The following ATXN7L1 variants were observed in gnomAD, a reference collection of about 807,000 sequenced individuals.
ATXN7L1 encodes ataxin 7 like 1.
Under a neutral mutation model 70.8 loss-of-function variants are expected in ATXN7L1, and 15 were observed. The ratio of observed to expected loss-of-function variants is 0.21; its 90% confidence interval spans 0.14 to 0.33. The LOEUF (loss-of-function observed/expected upper bound fraction) is 0.33. Among genes scored for constraint, ATXN7L1 ranks in the 10% least tolerant of loss-of-function variants. The pLI, the probability that ATXN7L1 is intolerant of heterozygous loss-of-function variation, is 1.00. For missense variants in ATXN7L1, 975 were observed against 1,097.1 expected (o/e 0.89, Z 1.57); for synonymous variants, 440 against 445.1 (o/e 0.99, Z 0.14).
At chr7:105,742,492 A>T (rs920636036) in intron 3 of ATXN7L1, among the ~76,000 whole-genome samples, 3 of 152,344 alleles carry the variant, frequency 2.0e-5, no homozygotes, top group Non-Finnish European at 4.4e-5. Context: ...CATTTTACAG[A>T]AGAGAAAACT....
At chr7:105,666,516 C>T (rs1157498084) in intron 3 of ATXN7L1, among the ~76,000 whole-genome samples, 2 of 152,224 alleles carry the variant, frequency 1.3e-5, no homozygotes, top group South Asian at 4.1e-4. Context: ...GCAAGCCTCC[C>T]ACCTGTGGCC....
At chr7:105,682,532 G>A (rs765981482) in intron 3 of ATXN7L1, among the ~76,000 whole-genome samples, 8 of 152,216 alleles carry the variant, frequency 5.3e-5, no homozygotes, top group Admixed American at 2.6e-4. Context: ...CAACCCAAAC[G>A]CCCATCCATG....
At position 105,818,732 on chromosome 7, in the gene ATXN7L1, G is replaced by A. The variant is rs183989942; in HGVS notation, c.251-30024C>T. On this transcript the variant is annotated intron_variant, in intron 2 of 11. Coordinates refer to ENST00000419735, the MANE Select transcript of ATXN7L1 (RefSeq NM_020725.2). The stretch of plus-strand genomic sequence containing the variant: ...CACACATTGAAGCTGGCATGTATTA[G>A]GATAAAGCTGCATAAAAATGCATAA... Among the ~76,000 whole-genome samples the A allele has an allele frequency of 5.3e-5, 8 of 152,244 alleles. No homozygotes were observed. In the East Asian group the frequency reaches 1.5e-3, roughly 29 times the overall value.
chr7:105,740,771 T>TC (rs1797909586), intron 3 of ATXN7L1, among the ~76,000 whole-genome samples: 1 of 100,240 alleles, frequency 1.0e-5, no homozygotes, highest in Non-Finnish European at 1.8e-5. Flanking sequence ...CTCCATTCAT[T>TC]TTTTTTTTTT....
At chr7:105,617,702 G>T in intron 9 of ATXN7L1, 1 of 349,402 alleles carries the variant, frequency 2.9e-6, no homozygotes, top group Non-Finnish European at 5.7e-6. Context: ...CTGGCCCAGG[G>T]AAGTCCCACA....
intron 3 of ATXN7L1, among the ~76,000 whole-genome samples, chr7:105,668,912 T>C (rs1366743250): frequency 6.6e-6 from 1 of 151,772 alleles, no homozygotes; most frequent in East Asian, 1.9e-4. Context: ...TGAAAACATA[T>C]ATATATATTT....
chr7:105,668,023 T>C (rs1350590524), intron 3 of ATXN7L1, among the ~76,000 whole-genome samples: 2 of 152,176 alleles, frequency 1.3e-5, no homozygotes, highest in Non-Finnish European at 2.9e-5. Context: ...AAATATTTCT[T>C]GGTTTAGGTG....
At chr7:105,855,913 A>G (rs1341164154) in intron 2 of ATXN7L1, among the ~76,000 whole-genome samples, 1 of 152,202 alleles carries the variant, frequency 6.6e-6, no homozygotes, top group Non-Finnish European at 1.5e-5. Flanking sequence ...ATACTACACC[A>G]TTTCATATAA....
intron 3 of ATXN7L1, among the ~76,000 whole-genome samples, chr7:105,775,211 G>A (rs553235979): frequency 6.6e-6 from 1 of 152,154 alleles, no homozygotes; most frequent in Non-Finnish European, 1.5e-5. Context: ...CAAGGGAAAG[G>A]TCCTACCCAA....
At chr7:105,733,849 T>C (rs145009531) in intron 3 of ATXN7L1, among the ~76,000 whole-genome samples, 39 of 117,120 alleles carry the variant, frequency 3.3e-4, no homozygotes, top group Non-Finnish European at 4.1e-4. Context: ...CACCCATCCA[T>C]CCATCCATCC....
chr7:105,665,184 C>T lies in ATXN7L1; in HGVS notation c.460G>A (p.Gly154Ser), dbSNP rs576111136. 29 of 1,551,642 alleles carry T rather than the reference C, an allele frequency of 1.9e-5. No homozygotes were observed. The highest frequency in any genetic ancestry group is 4.9e-5 in the East Asian group (2 of 40,904). ...GAGGTGCTGCTGGCAGAGTGATGGC[C>T]GCTGAGACAGGCTTTTGTTTTCACC... ...VQVKTKACLSGHHSASSTSKP... is the reference protein window; with the variant it reads ...VQVKTKACLSSHHSASSTSKP... The change falls in exon 4 of 12, where the codon GGC (glycine) becomes AGC (serine). Residue 154 changes from glycine (G) to serine (S), a missense_variant. Transcript: ENST00000419735.
At chr7:105,676,269 ACTT>A (rs1804632251) in intron 3 of ATXN7L1, among the ~76,000 whole-genome samples, 1 of 152,172 alleles carries the variant, frequency 6.6e-6, no homozygotes. Flanking sequence ...ATGGCACTGA[ACTT>A]CTCCATCAGA....
chr7:105,757,578 A>ATT (rs34846815), intron 3 of ATXN7L1, among the ~76,000 whole-genome samples: 80 of 62,436 alleles, frequency 1.3e-3, no homozygotes, highest in African/African-American at 2.8e-3. Flanking sequence ...ACCTTTCTGT[A>ATT]TTTTTTTTTT....
Position 105,727,757 on chromosome 7 carries a change from T to TACATAC in ATXN7L1, c.355+60846_355+60847insGTATGT, listed in dbSNP as rs1366307186. Among the ~76,000 whole-genome samples, 5 of 86,838 alleles carry TACATAC rather than the reference T, an allele frequency of 5.8e-5. No individual in the cohort carries two copies. In the East Asian group the frequency reaches 2.3e-3, roughly 41 times the overall value. The allele number at this position is 86,838 out of a possible 152,430, so 57.0% of individuals were successfully genotyped here. A position where few individuals can be genotyped will look rare whatever the true frequency, so the allele number is the denominator to read the frequency against. On this transcript the variant is annotated intron_variant, in intron 3 of 11. Coordinates refer to ENST00000419735, the MANE Select transcript of ATXN7L1 (RefSeq NM_020725.2). ...GTGTGTGTATGTGTGTATATATATATATATATATATATATATATATACACA... is the reference window on the plus strand; with the variant it reads ...GTGTGTGTATGTGTGTATATATATATACATACATATATATATATATATATATACACA...
chr7:105,623,039 G>C (rs1235981625), intron 8 of ATXN7L1, among the ~76,000 whole-genome samples: 2 of 152,178 alleles, frequency 1.3e-5, no homozygotes, highest in Admixed American at 6.5e-5. Context: ...CAGATGAGTT[G>C]AATGTTCCAC....
In ATXN7L1 at chr7:105,634,235, CCT is replaced by C. The variant is rs777027796; in HGVS notation, c.1202+4116_1202+4117del. Among the ~76,000 whole-genome samples the C allele has an allele frequency of 2.2e-4, 33 of 152,298 alleles. No individual in the cohort carries two copies. In the South Asian group the frequency reaches 3.9e-3, roughly 18 times the overall value. ...CCCCTCCGTACTACATCACCCGTCC[CCT>C]GTCTGCCCGCCAGTCTGGTCTAACG... On this transcript the variant is annotated intron_variant, in intron 7 of 11. Coordinates refer to ENST00000419735, the MANE Select transcript of ATXN7L1 (RefSeq NM_020725.2).
rs556639809 is a variant in ATXN7L1, at chr7:105,614,430, C to T, written c.1904G>A (p.Arg635His). 103 of 1,549,524 alleles carry T rather than the reference C, an allele frequency of 6.6e-5. No homozygotes were observed. The highest frequency in any genetic ancestry group is 7.9e-5 in the Non-Finnish European group (91 of 1,145,688). The change falls in exon 10 of 12, where the codon CGT becomes CAT. Residue 635 changes from arginine to histidine, a missense_variant. Transcript: ENST00000419735. The surrounding 1 kb of genome is among the most constrained non-coding windows in gnomAD (Gnocchi z 4.3). The stretch of plus-strand genomic sequence containing the variant: ...TTTGTTACTTGGAGACTCGTCGCTA[C>T]GGGTGGACAGGTCTTTGACTTTTGA... ...KSSKVKDLST[R>H]SDESPSNKKR...
At chr7:105,659,355 C>G (rs967170914) in intron 4 of ATXN7L1, among the ~76,000 whole-genome samples, 1 of 152,262 alleles carries the variant, frequency 6.6e-6, no homozygotes, top group Non-Finnish European at 1.5e-5. Context: ...TTTACTGACA[C>G]GAGTACCACG....
At chr7:105,719,337 AG>A (rs1328209693) in intron 3 of ATXN7L1, among the ~76,000 whole-genome samples, 1 of 152,168 alleles carries the variant, frequency 6.6e-6, no homozygotes. Flanking sequence ...GTCTAGTTCA[AG>A]GACCCTCATG....
Sources: gnomAD v4.1 joint callset for allele counts (sites outside exome capture counted in the v4.1 genomes callset) on GRCh38, gnomAD v4.1.1 for gene constraint, Gnocchi (gnomAD v3.1) non-coding constraint, MANE v1.5 for transcripts, NCBI Gene and HGNC (gene_info 2026-07-23, HGNC 2026-07-21) for gene names.